RBFOX1: variants seen among roughly 807,000 people sequenced by gnomAD.
RBFOX1 encodes RNA binding fox-1 homolog 1, also known as RNA binding protein fox-1 homolog 1.
A neutral mutation model predicts 57.7 loss-of-function variants in RBFOX1; 8 were observed. The observed-to-expected ratio is 0.14, with a 90% confidence interval of 0.08 to 0.25. The LOEUF is 0.25. Among genes scored for constraint, RBFOX1 ranks in the 10% least tolerant of loss-of-function variants. The pLI is 1.00. For synonymous variants in RBFOX1, 326 were observed against 222.4 expected (o/e 1.47, Z -4.15); for missense variants, 611 against 548.5 (o/e 1.11, Z -1.14).
chr16:7,060,197 G>A (rs575123608), intron 4 of RBFOX1, among the ~76,000 whole-genome samples: 8 of 152,170 alleles, frequency 5.3e-5, no homozygotes, highest in Non-Finnish European at 4.4e-5. Context: ...ACTCGACACT[G>A]CCATAATAGC....
At chr16:7,359,864 G>A (rs1021602662) in intron 4 of RBFOX1, among the ~76,000 whole-genome samples, 2 of 152,052 alleles carry the variant, frequency 1.3e-5, no homozygotes, top group Admixed American at 6.6e-5. Context: ...TGCACCTGTA[G>A]TCCCAGCTGC....
chr16:5,529,016 C>T (rs2044356106), intron 2 of RBFOX1, among the ~76,000 whole-genome samples: 2 of 151,968 alleles, frequency 1.3e-5, no homozygotes, highest in Non-Finnish European at 2.9e-5. Flanking sequence ...GTGGAGTAAC[C>T]ACTGGCTCTC....
intron 2 of RBFOX1, among the ~76,000 whole-genome samples, chr16:6,581,860 C>G (rs186422162): frequency 6.6e-6 from 1 of 152,328 alleles, no homozygotes. Flanking sequence ...GATTACATGT[C>G]CAACACAATC....
chr16:7,381,188 C>G (rs910435447), intron 4 of RBFOX1, among the ~76,000 whole-genome samples: 1 of 152,314 alleles, frequency 6.6e-6, no homozygotes, highest in East Asian at 1.9e-4. Context: ...AAAACAGCCT[C>G]TCATCTCAGG....
chr16:6,692,950 C>T (rs2060429157), intron 3 of RBFOX1, among the ~76,000 whole-genome samples: 2 of 151,786 alleles, frequency 1.3e-5, no homozygotes, highest in African/African-American at 4.8e-5. Context: ...TCAACATCAT[C>T]CCCATCCACT....
intron 1 of RBFOX1, among the ~76,000 whole-genome samples, chr16:5,463,682 C>G (rs1469160589): frequency 6.6e-6 from 1 of 151,884 alleles, no homozygotes; most frequent in East Asian, 1.9e-4. Flanking sequence ...CAACTGTAAT[C>G]CCAGCTACTC....
Position 6,251,602 on chromosome 16 carries a change from G to A in RBFOX1, c.-126-65393G>A, listed in dbSNP as rs777023700. 3.3e-5 allele frequency among the ~76,000 whole-genome samples: 5 copies of A among 151,924 alleles called. No individual in the cohort carries two copies. In the South Asian group the frequency reaches 6.2e-4, roughly 19 times the overall value. ...CCTTGGAGGTAGGGGGAGAGAGAGA[G>A]AAAAAGAGAGAGAAAAAAATGAGAA... On this transcript the variant is annotated intron_variant, in intron 1 of 15. Transcript: ENST00000550418.
intron 3 of RBFOX1, among the ~76,000 whole-genome samples, chr16:6,893,016 C>T (rs1215548501): frequency 6.6e-6 from 1 of 152,142 alleles, no homozygotes; most frequent in Non-Finnish European, 1.5e-5. Context: ...TCATTGCAAA[C>T]ACTGCAGTTA....
At chr16:6,432,327 C>T (rs1363461970) in intron 2 of RBFOX1, among the ~76,000 whole-genome samples, 1 of 151,928 alleles carries the variant, frequency 6.6e-6, no homozygotes, top group East Asian at 1.9e-4. Flanking sequence ...TTGCTATTAT[C>T]GTTTACATTA....
intron 4 of RBFOX1, among the ~76,000 whole-genome samples, chr16:7,366,418 A>G (rs1412582652): frequency 6.6e-6 from 1 of 151,908 alleles, no homozygotes; most frequent in Non-Finnish European, 1.5e-5. Context: ...GGCTGAGCCG[A>G]GTTTGGCCTT....
intron 4 of RBFOX1, among the ~76,000 whole-genome samples, chr16:7,189,177 G>T (rs1363616674): frequency 6.6e-6 from 1 of 151,980 alleles, no homozygotes; most frequent in East Asian, 1.9e-4. Flanking sequence ...TGTAATCCCA[G>T]CACTTTGGGA....
At chr16:7,073,181 G>A (rs2057671853) in intron 4 of RBFOX1, among the ~76,000 whole-genome samples, 1 of 152,168 alleles carries the variant, frequency 6.6e-6, no homozygotes, top group Non-Finnish European at 1.5e-5. Flanking sequence ...GCTATGGGCT[G>A]TCTTTGTAGT....
chr16:6,025,425 G>A (rs1259319118), intron 1 of RBFOX1, among the ~76,000 whole-genome samples: 1 of 152,184 alleles, frequency 6.6e-6, no homozygotes, highest in African/African-American at 2.4e-5. Context: ...AAGACCCTGG[G>A]AGGATACATC....
chr16:7,200,974 G>T (rs1448396585), intron 4 of RBFOX1, among the ~76,000 whole-genome samples: 2 of 152,150 alleles, frequency 1.3e-5, no homozygotes, highest in Admixed American at 6.5e-5. Flanking sequence ...TTCTTGTATG[G>T]GAGAGAAAAA....
intron 4 of RBFOX1, among the ~76,000 whole-genome samples, chr16:7,213,941 G>GA (rs71147671): frequency 0.43 from 64,556 of 151,858 alleles, 14,598 homozygotes; most frequent in African/African-American, 0.52. Context: ...GGGTTGTTAA[G>GA]AACTAAAATA....
chr16:6,682,473 T>G (rs567301548), intron 3 of RBFOX1, among the ~76,000 whole-genome samples: 1 of 152,154 alleles, frequency 6.6e-6, no homozygotes, highest in Admixed American at 6.5e-5. Flanking sequence ...ATTAATGACA[T>G]TGAATGTGCT....
upstream of RBFOX1, among the ~76,000 whole-genome samples, chr16:6,016,752 G>T (rs1455118736): frequency 6.6e-6 from 1 of 152,142 alleles, no homozygotes; most frequent in Non-Finnish European, 1.5e-5. Flanking sequence ...GGTTGTCCTG[G>T]GAGCTGTCAA....
At chr16:7,489,818 G>C (rs908667488) in intron 4 of RBFOX1, among the ~76,000 whole-genome samples, 77 of 152,042 alleles carry the variant, frequency 5.1e-4, no homozygotes, top group African/African-American at 1.8e-3. Context: ...ACCACGCCCA[G>C]CTAAGTTATG....
chr16:7,703,911 C>T (rs1464755830), intron 14 of RBFOX1, among the ~76,000 whole-genome samples: 3 of 152,116 alleles, frequency 2.0e-5, no homozygotes, highest in Admixed American at 6.6e-5. Context: ...TTTCAATTGC[C>T]TCTGCAGACC....
Sources: gnomAD v4.1 joint callset for allele counts (sites outside exome capture counted in the v4.1 genomes callset) on GRCh38, gnomAD v4.1.1 for gene constraint, MANE v1.5 for transcripts, NCBI Gene and HGNC (gene_info 2026-07-23, HGNC 2026-07-21) for gene names.